The following LHFPL3 variants were observed in gnomAD, a reference collection of about 807,000 sequenced individuals.
The protein encoded by LHFPL3 is LHFPL tetraspan subfamily member 3 protein.
A neutral mutation model predicts 19.3 loss-of-function variants in LHFPL3; 5 were observed. That is an observed-to-expected ratio of 0.26 (90% confidence interval 0.14 to 0.54). LHFPL3 has a LOEUF of 0.54. Ranked by LOEUF, LHFPL3 falls within the 20% of genes least tolerant of loss-of-function variation. The pLI is 0.94. For missense variants in LHFPL3, 249 were observed against 307.4 expected (o/e 0.81, Z 1.42); for synonymous variants, 133 against 126.2 (o/e 1.05, Z -0.36).
At chr7:104,675,601 AT>A (rs1792574817) in intron 1 of LHFPL3, among the ~76,000 whole-genome samples, 2 of 152,332 alleles carry the variant, frequency 1.3e-5, no homozygotes, top group South Asian at 4.1e-4. Flanking sequence ...TCCAGGTGGG[AT>A]ATCATAGCAA....
chr7:104,714,968 T>C (rs555282498), intron 1 of LHFPL3, among the ~76,000 whole-genome samples: 1 of 152,288 alleles, frequency 6.6e-6, no homozygotes, highest in Non-Finnish European at 1.5e-5. Context: ...CATACTTATA[T>C]ACCTGTGTAT....
intron 1 of LHFPL3, among the ~76,000 whole-genome samples, chr7:104,505,388 A>G (rs1793677125): frequency 1.3e-5 from 2 of 152,240 alleles, no homozygotes; most frequent in Non-Finnish European, 2.9e-5. Context: ...GAAGCAAATG[A>G]TAACTATAAA....
At chr7:104,612,119 G>C (rs1353280182) in intron 1 of LHFPL3, among the ~76,000 whole-genome samples, 1 of 152,152 alleles carries the variant, frequency 6.6e-6, no homozygotes, top group African/African-American at 2.4e-5. Context: ...GAAACATTAA[G>C]GGACATAATT....
chr7:104,360,780 A>G (rs1790377911), intron 1 of LHFPL3, among the ~76,000 whole-genome samples: 1 of 151,732 alleles, frequency 6.6e-6, no homozygotes, highest in African/African-American at 2.4e-5. Context: ...TGAAAACAAG[A>G]AATACTTTGA....
chr7:104,478,140 AATT>A (rs778326333), intron 1 of LHFPL3, among the ~76,000 whole-genome samples: 112 of 152,150 alleles, frequency 7.4e-4, no homozygotes, highest in African/African-American at 2.7e-3. Flanking sequence ...TTAAAAGTTA[AATT>A]ATTATTGAAA....
intron 1 of LHFPL3, among the ~76,000 whole-genome samples, chr7:104,603,156 T>C: frequency 1.3e-5 from 1 of 74,904 alleles, no homozygotes; most frequent in African/African-American, 3.9e-5. Flanking sequence ...CCTTCCTTCC[T>C]TCCTTCCTTT....
intron 1 of LHFPL3, among the ~76,000 whole-genome samples, chr7:104,502,444 T>C (rs544271387): frequency 1.3e-5 from 2 of 152,138 alleles, no homozygotes; most frequent in South Asian, 2.1e-4. Flanking sequence ...TACATTCTTA[T>C]TTGAAGTAAA....
intron 1 of LHFPL3, among the ~76,000 whole-genome samples, chr7:104,382,388 T>G (rs1239643799): frequency 2.6e-5 from 4 of 151,920 alleles, no homozygotes; most frequent in African/African-American, 2.4e-5. Context: ...CTTGGGAGGG[T>G]GAGGCAAGAG....
At chr7:104,763,243 G>A (rs961219017) in intron 2 of LHFPL3, among the ~76,000 whole-genome samples, 22 of 152,260 alleles carry the variant, frequency 1.4e-4, no homozygotes, top group African/African-American at 4.3e-4. Context: ...CCCAACCTTC[G>A]CCAGACCTTG....
intron 1 of LHFPL3, among the ~76,000 whole-genome samples, chr7:104,684,789 G>A (rs751618990): frequency 4.6e-5 from 7 of 152,208 alleles, no homozygotes; most frequent in Non-Finnish European, 8.8e-5. Context: ...CCAGCCCAGG[G>A]CAGAAGCATG....
chr7:104,867,406 A>G (rs1488489839), intron 2 of LHFPL3, among the ~76,000 whole-genome samples: 1 of 152,234 alleles, frequency 6.6e-6, no homozygotes, highest in African/African-American at 2.4e-5. Flanking sequence ...ATCACCACCA[A>G]TCCCACAGAA....
At chr7:104,691,078 T>C (rs1317097777) in intron 1 of LHFPL3, among the ~76,000 whole-genome samples, 6 of 152,226 alleles carry the variant, frequency 3.9e-5, no homozygotes, top group Non-Finnish European at 7.3e-5. Context: ...CCCTGTTACT[T>C]GGCTTTGATA....
intron 2 of LHFPL3, among the ~76,000 whole-genome samples, chr7:104,877,370 G>T (rs919676860): frequency 1.3e-5 from 2 of 152,156 alleles, no homozygotes; most frequent in Non-Finnish European, 2.9e-5. Context: ...CCTGATAAGG[G>T]ACTTGTATCC....
At chr7:104,835,463 A>T (rs1164440596) in intron 2 of LHFPL3, among the ~76,000 whole-genome samples, 1 of 85,168 alleles carries the variant, frequency 1.2e-5, no homozygotes, top group Non-Finnish European at 3.1e-5. Context: ...AGTGGCAGTC[A>T]CTCCTTCATC....
At chr7:104,545,729 C>A (rs1160054807) in intron 1 of LHFPL3, among the ~76,000 whole-genome samples, 2 of 152,188 alleles carry the variant, frequency 1.3e-5, no homozygotes, top group African/African-American at 4.8e-5. Context: ...TTCAAACCAC[C>A]AATTCCTTTC....
Position 104,723,447 on chromosome 7 carries a change from T to C in LHFPL3, c.446-13228T>C, listed in dbSNP as rs1384619171. On this transcript the variant is annotated intron_variant, in intron 1 of 2. Transcript: ENST00000424859. ...ATTCAAGAATGTTCTCTCAGCCCAG[T>C]GCAGTGGCTCACGCCTGTAATCCCA... Among the ~76,000 whole-genome samples the C allele has an allele frequency of 2.0e-5, 3 of 152,082 alleles. No individual in the cohort carries two copies. In the East Asian group the frequency reaches 5.8e-4, roughly 29 times the overall value.
At chr7:104,894,311 A>T (rs1372619334) in intron 2 of LHFPL3, among the ~76,000 whole-genome samples, 1 of 152,226 alleles carries the variant, frequency 6.6e-6, no homozygotes, top group East Asian at 1.9e-4. Context: ...ATGCCTGGCT[A>T]ACAAGTAGTG....
chr7:104,332,396 AT>A (rs1317771232), intron 1 of LHFPL3, among the ~76,000 whole-genome samples: 1 of 151,364 alleles, frequency 6.6e-6, no homozygotes, highest in Admixed American at 6.6e-5. Context: ...CACCAGGCTA[AT>A]TTTTTGTATT....
At chr7:104,638,419 A>G (rs1791768797) in intron 1 of LHFPL3, among the ~76,000 whole-genome samples, 1 of 152,076 alleles carries the variant, frequency 6.6e-6, no homozygotes, top group Admixed American at 6.5e-5. Flanking sequence ...AGGACTTCCA[A>G]TACTATGTTG....
Sources: allele counts gnomAD v4.1 joint callset (sites outside exome capture counted in the v4.1 genomes callset), GRCh38; gene constraint gnomAD v4.1.1; transcripts MANE v1.5; gene names NCBI Gene and HGNC (gene_info 2026-07-23, HGNC 2026-07-21).